The following KCNH1 variants were observed in gnomAD, a reference collection of about 807,000 sequenced individuals.
KCNH1 encodes voltage-gated delayed rectifier potassium channel KCNH1.
KCNH1 carries 27 observed loss-of-function variants against 69.2 expected under a neutral mutation model. The observed-to-expected ratio is 0.39, with a 90% CI of 0.29 to 0.54. The LOEUF (loss-of-function observed/expected upper bound fraction) is 0.54. Among genes scored for constraint, KCNH1 ranks in the 20% least tolerant of loss-of-function variants. The pLI is 0.68. For synonymous variants in KCNH1, 456 were observed against 487.7 expected (o/e 0.93, Z 0.86); for missense variants, 798 against 1,261.6 (o/e 0.63, Z 5.57).
intron 10 of KCNH1, among the ~76,000 whole-genome samples, chr1:210,753,462 T>C (rs1257960218): frequency 6.6e-6 from 1 of 152,170 alleles, no homozygotes; most frequent in Non-Finnish European, 1.5e-5. Context: ...AGCTTCCCCA[T>C]GGGGTTGTCC....
In KCNH1 at chr1:210,818,860, T is replaced by C. The variant is rs1280900693; in HGVS notation, c.1463-14694A>G. Among the ~76,000 whole-genome samples the C allele has an allele frequency of 2.6e-5, 4 of 152,324 alleles. No homozygotes were observed. In the East Asian group the frequency reaches 7.7e-4, roughly 29 times the overall value. ...CACCAGAAAAGCTTTCTAAAAATTA[T>C]GTTTTCTCAGGTTTACCTATAGCCA... On this transcript the variant is annotated intron_variant, in intron 7 of 10. Transcript: ENST00000271751.
intron 10 of KCNH1, among the ~76,000 whole-genome samples, chr1:210,763,695 C>T (rs1378792784): frequency 6.6e-6 from 1 of 152,090 alleles, no homozygotes; most frequent in Non-Finnish European, 1.5e-5. Flanking sequence ...AACTATTAAG[C>T]ACTATTTAAA....
intron 4 of KCNH1, among the ~76,000 whole-genome samples, chr1:211,089,033 T>C (rs935237352): frequency 3.9e-5 from 6 of 152,298 alleles, no homozygotes; most frequent in Admixed American, 6.5e-5. Flanking sequence ...GGTATGATTT[T>C]CCTACTAAAT....
intron 6 of KCNH1, among the ~76,000 whole-genome samples, chr1:211,002,958 C>A (rs1490688248): frequency 1.3e-5 from 2 of 152,094 alleles, no homozygotes; most frequent in Non-Finnish European, 2.9e-5. Context: ...AAAAAATGAG[C>A]CCTCCCACTA....
At position 211,061,216 on chromosome 1, in the gene KCNH1, A is replaced by G. The variant is rs184359547; in HGVS notation, c.558+21564T>C. Reference sequence around the variant, plus strand: ...AATGAAGGACAAAAAACATACAATCATTTCAACTGACACCTTAAAAACATT... The same window carrying G: ...AATGAAGGACAAAAAACATACAATCGTTTCAACTGACACCTTAAAAACATT... On this transcript the variant is annotated intron_variant, in intron 5 of 10. Coordinates refer to ENST00000271751, the MANE Select transcript of KCNH1 (RefSeq NM_172362.3). Among the ~76,000 whole-genome samples the G allele has an allele frequency of 2.1e-4, 32 of 152,298 alleles. 1 individual carries two copies. Among genetic ancestry groups the G allele is most frequent in the Middle Eastern group, 6.8e-3 (2 of 294 alleles).
At chr1:211,004,353 C>T (rs1361783960) in intron 6 of KCNH1, among the ~76,000 whole-genome samples, 2 of 151,828 alleles carry the variant, frequency 1.3e-5, no homozygotes, top group Admixed American at 6.6e-5. Context: ...CATAAGACAA[C>T]AATGAATATA....
chr1:210,905,721 C>T (rs989181864), intron 7 of KCNH1, among the ~76,000 whole-genome samples: 5 of 151,896 alleles, frequency 3.3e-5, no homozygotes, highest in East Asian at 1.9e-4. Context: ...AAAGGGCAGC[C>T]GTAGGGTGCT....
At chr1:210,961,248 CA>C (rs201261006) in intron 6 of KCNH1, among the ~76,000 whole-genome samples, 28 of 151,382 alleles carry the variant, frequency 1.8e-4, no homozygotes, top group South Asian at 8.3e-4. Context: ...ACACGACTTG[CA>C]AATTTTTTTT....
intron 6 of KCNH1, among the ~76,000 whole-genome samples, chr1:210,935,391 G>A (rs7529770): frequency 0.59 from 90,072 of 151,874 alleles, 26,876 homozygotes; most frequent in Admixed American, 0.64. Context: ...GGGAGAGTTC[G>A]GTTATTGGAT....
Position 211,102,642 on chromosome 1 carries a change from C to G in KCNH1, c.310+854G>C, listed in dbSNP as rs1362180261. Among the ~76,000 whole-genome samples the G allele has an allele frequency of 2.6e-5, 4 of 152,160 alleles. No homozygotes were observed. The East Asian group carries it at 7.7e-4, about 29-fold the overall frequency. On this transcript the variant is annotated intron_variant, in intron 3 of 10. Transcript: ENST00000271751. Reference sequence around the variant, plus strand: ...GACCTGAAAAAAAATCCCAGCCCCTCCCAGATAAAAACAACGCATGCCCTT... The same window carrying G: ...GACCTGAAAAAAAATCCCAGCCCCTGCCAGATAAAAACAACGCATGCCCTT...
intron 10 of KCNH1, among the ~76,000 whole-genome samples, chr1:210,716,631 G>A (rs1682258460): frequency 6.6e-6 from 1 of 152,154 alleles, no homozygotes; most frequent in African/African-American, 2.4e-5. Flanking sequence ...ACTTCCTCCA[G>A]ACATGTCTAC....
intron 6 of KCNH1, among the ~76,000 whole-genome samples, chr1:210,953,460 A>C (rs1688101882): frequency 6.6e-6 from 1 of 152,126 alleles, no homozygotes; most frequent in Non-Finnish European, 1.5e-5. Flanking sequence ...ATTTTGTCTT[A>C]CCCTGGCTTC....
intron 5 of KCNH1, among the ~76,000 whole-genome samples, chr1:211,076,709 AG>A (rs1006546070): frequency 6.6e-6 from 1 of 152,272 alleles, no homozygotes; most frequent in African/African-American, 2.4e-5. Context: ...TCTCCTCCAA[AG>A]GATCGCAGCT....
chr1:211,043,005 A>C (rs2102433371), intron 5 of KCNH1, among the ~76,000 whole-genome samples: 1 of 152,308 alleles, frequency 6.6e-6, no homozygotes, highest in African/African-American at 2.4e-5. Context: ...TACATCAAAA[A>C]GTATGAAAGA....
chr1:210,976,763 C>G (rs1175236202), intron 6 of KCNH1, among the ~76,000 whole-genome samples: 1 of 149,940 alleles, frequency 6.7e-6, no homozygotes, highest in Non-Finnish European at 1.5e-5. Context: ...GAGATACCAT[C>G]TCACACCAGT....
At chr1:210,765,352 A>G (rs1465989732) in intron 10 of KCNH1, among the ~76,000 whole-genome samples, 2 of 152,200 alleles carry the variant, frequency 1.3e-5, no homozygotes, top group Non-Finnish European at 2.9e-5. Flanking sequence ...GCATCATGTA[A>G]TATACCCATG....
chr1:210,971,235 G>A, intron 6 of KCNH1, among the ~76,000 whole-genome samples: 1 of 152,038 alleles, frequency 6.6e-6, no homozygotes, highest in East Asian at 1.9e-4. Flanking sequence ...TTATACGCAT[G>A]AGCCACCACA....
At chr1:211,057,512 G>A (rs965456337) in intron 5 of KCNH1, among the ~76,000 whole-genome samples, 1 of 152,002 alleles carries the variant, frequency 6.6e-6, no homozygotes, top group Non-Finnish European at 1.5e-5. Context: ...TATGGCGTTT[G>A]CTTGTAGTCC....
chr1:210,935,189 A>T (rs7519216), intron 6 of KCNH1, among the ~76,000 whole-genome samples: 39 of 151,660 alleles, frequency 2.6e-4, no homozygotes, highest in Non-Finnish European at 1.0e-4. Context: ...CCATAAAAAA[A>T]AAAATAAAAT....
Sources: allele counts gnomAD v4.1 joint callset (sites outside exome capture counted in the v4.1 genomes callset), GRCh38; gene constraint gnomAD v4.1.1; transcripts MANE v1.5; gene names NCBI Gene and HGNC (gene_info 2026-07-23, HGNC 2026-07-21).